Variants in DTWD2 observed in about 807,000 individuals in gnomAD.
The protein encoded by DTWD2 is tRNA-uridine aminocarboxypropyltransferase 2.
A neutral mutation model predicts 31.8 loss-of-function variants in DTWD2; 39 were observed. The observed-to-expected ratio is 1.22, with a 90% CI of 0.95 to 1.60. The LOEUF is 1.60. Among genes scored for constraint, DTWD2 ranks in the 40% most tolerant of loss-of-function variants. DTWD2 has a pLI of 0.00. For synonymous variants in DTWD2, 180 were observed against 142.8 expected (o/e 1.26, Z -1.86); for missense variants, 515 against 381.5 (o/e 1.35, Z -2.92).
chr5:118,968,254 A>G (rs1754898671), intron 1 of DTWD2, among the ~76,000 whole-genome samples: 1 of 152,162 alleles, frequency 6.6e-6, no homozygotes, highest in Non-Finnish European at 1.5e-5. Context: ...GACTAACAAG[A>G]CATGACAATT....
intron 1 of DTWD2, among the ~76,000 whole-genome samples, chr5:118,947,164 G>A (rs1024789987): frequency 1.3e-5 from 2 of 152,210 alleles, no homozygotes; most frequent in Non-Finnish European, 2.9e-5. Context: ...GGTGCCGGCA[G>A]GTGCAAAACT....
chr5:118,913,418 TAG>T (rs533150698), intron 4 of DTWD2, among the ~76,000 whole-genome samples: 3,423 of 139,486 alleles, frequency 0.025, 40 homozygotes, highest in Non-Finnish European at 0.024. Context: ...TAGATATATA[TAG>T]ATATATATAT....
At chr5:118,950,605 T>C (rs2149588656) in intron 1 of DTWD2, among the ~76,000 whole-genome samples, 1 of 152,280 alleles carries the variant, frequency 6.6e-6, no homozygotes, top group South Asian at 2.1e-4. Flanking sequence ...AGATGGGACA[T>C]GACTAAGGAG....
chr5:118,967,873 T>C (rs1006544379), intron 1 of DTWD2, among the ~76,000 whole-genome samples: 5 of 152,164 alleles, frequency 3.3e-5, no homozygotes, highest in Admixed American at 6.5e-5. Flanking sequence ...AGAAACAGTA[T>C]ATTTGCAAAG....
At chr5:118,856,492 T>G (rs892891759) in intron 4 of DTWD2, among the ~76,000 whole-genome samples, 1 of 152,176 alleles carries the variant, frequency 6.6e-6, no homozygotes, top group Non-Finnish European at 1.5e-5. Context: ...AGAGTGTCAC[T>G]ACAGTACACC....
chr5:118,987,379 G>A (rs1755451802), intron 1 of DTWD2, among the ~76,000 whole-genome samples: 1 of 152,134 alleles, frequency 6.6e-6, no homozygotes, highest in African/African-American at 2.4e-5. Flanking sequence ...CTAGGAAAAG[G>A]TCAAAATGTC....
At chr5:118,876,131 G>A (rs1432070095) in intron 4 of DTWD2, among the ~76,000 whole-genome samples, 2 of 152,168 alleles carry the variant, frequency 1.3e-5, no homozygotes, top group African/African-American at 4.8e-5. Context: ...AATGAAGGCA[G>A]AAATCAAGAA....
At chr5:118,973,975 G>C in intron 1 of DTWD2, 1 of 1,581,588 alleles carries the variant, frequency 6.3e-7, no homozygotes, top group Non-Finnish European at 8.7e-7. Context: ...AAGAAGGTGG[G>C]GAGGAAGAGG....
chr5:118,972,409 A>G (rs1223711515), intron 1 of DTWD2, among the ~76,000 whole-genome samples: 1 of 152,212 alleles, frequency 6.6e-6, no homozygotes, highest in African/African-American at 2.4e-5. Context: ...ACACCCTGCC[A>G]AGACGAACCA....
At chr5:118,932,662 A>G (rs918540880) in intron 3 of DTWD2, among the ~76,000 whole-genome samples, 1 of 152,202 alleles carries the variant, frequency 6.6e-6, no homozygotes, top group African/African-American at 2.4e-5. Flanking sequence ...GGAAATTTGG[A>G]CACAAAAGAA....
At chr5:118,857,802 T>C (rs998535616) in intron 4 of DTWD2, among the ~76,000 whole-genome samples, 1 of 152,182 alleles carries the variant, frequency 6.6e-6, no homozygotes, top group Non-Finnish European at 1.5e-5. Flanking sequence ...CACACAGTAT[T>C]GAGTGAAGTA....
intron 1 of DTWD2, among the ~76,000 whole-genome samples, chr5:118,984,099 C>T (rs529341184): frequency 1.3e-5 from 2 of 152,312 alleles, no homozygotes; most frequent in South Asian, 4.1e-4. Flanking sequence ...CCAGCCTGAC[C>T]AACATGGAGA....
intron 4 of DTWD2, among the ~76,000 whole-genome samples, chr5:118,871,538 G>C (rs1752504484): frequency 6.6e-6 from 1 of 152,228 alleles, no homozygotes. Flanking sequence ...ATCAGCAGGA[G>C]TGAAAATAAC....
At chr5:118,906,215 A>G (rs575858809) in intron 4 of DTWD2, among the ~76,000 whole-genome samples, 3 of 152,326 alleles carry the variant, frequency 2.0e-5, no homozygotes, top group African/African-American at 7.2e-5. Flanking sequence ...GGAGATAAGA[A>G]GAAACAAGAT....
Position 118,836,449 on chromosome 5 carries a change from G to A in DTWD2, c.*4468C>T, listed in dbSNP as rs1182561543. Among the ~76,000 whole-genome samples the A allele has an allele frequency of 1.3e-5, 2 of 152,056 alleles. No homozygotes were observed. Among genetic ancestry groups the A allele is most frequent in the Non-Finnish European group, 1.5e-5 (1 of 68,018 alleles). On this transcript the variant is annotated 3_prime_UTR_variant, in exon 6 of 6. Coordinates refer to ENST00000510708, the MANE Select transcript of DTWD2 (RefSeq NM_173666.4). Reference sequence around the variant, plus strand: ...AGATGAGGTTTCACCATCTTGGCCAGGCTGGTCTTGAACTCCTGACCTCGT... The same window carrying A: ...AGATGAGGTTTCACCATCTTGGCCAAGCTGGTCTTGAACTCCTGACCTCGT...
intron 3 of DTWD2, among the ~76,000 whole-genome samples, chr5:118,938,533 T>A (rs1044432651): frequency 2.0e-5 from 3 of 152,152 alleles, no homozygotes; most frequent in African/African-American, 4.8e-5. Context: ...TAATTTGCTT[T>A]AATTTAAAAT....
chr5:118,985,494 A>ATT (rs1487946688), intron 1 of DTWD2, among the ~76,000 whole-genome samples: 1 of 102,432 alleles, frequency 9.8e-6, no homozygotes, highest in African/African-American at 4.6e-5. Flanking sequence ...GCATTTTTAT[A>ATT]TATATATATA....
chr5:118,921,292 G>C (rs1753696838), intron 4 of DTWD2, among the ~76,000 whole-genome samples: 1 of 152,076 alleles, frequency 6.6e-6, no homozygotes, highest in Admixed American at 6.6e-5. Flanking sequence ...CAGGGGGATT[G>C]CTTGAAGCCA....
chr5:118,877,268 C>T (rs1355794134), intron 4 of DTWD2, among the ~76,000 whole-genome samples: 4 of 152,084 alleles, frequency 2.6e-5, no homozygotes, highest in Non-Finnish European at 4.4e-5. Flanking sequence ...GTCAGGAGAT[C>T]GAGACCATCC....
Sources: gnomAD v4.1 joint callset for allele counts (sites outside exome capture counted in the v4.1 genomes callset) on GRCh38, gnomAD v4.1.1 for gene constraint, MANE v1.5 for transcripts, NCBI Gene and HGNC (gene_info 2026-07-23, HGNC 2026-07-21) for gene names.